Variants in NKAIN2 observed in about 807,000 individuals in gnomAD.
NKAIN2 encodes sodium/potassium transporting ATPase interacting 2, also known as sodium/potassium-transporting ATPase subunit beta-1-interacting protein 2.
NKAIN2 carries 14 observed loss-of-function variants against 32.6 expected under a neutral mutation model. That is an observed-to-expected ratio of 0.43 (90% confidence interval 0.28 to 0.67). NKAIN2 has a LOEUF of 0.67. NKAIN2 is among the 30% of genes least tolerant of loss of function. The pLI is 0.17. For synonymous variants in NKAIN2, 80 were observed against 87.2 expected (o/e 0.92, Z 0.46); for missense variants, 198 against 258.3 (o/e 0.77, Z 1.60).
intron 2 of NKAIN2, among the ~76,000 whole-genome samples, chr6:124,306,283 A>G (rs1796502046): frequency 6.6e-6 from 1 of 152,152 alleles, no homozygotes; most frequent in Non-Finnish European, 1.5e-5. Flanking sequence ...AGGTCCAAGA[A>G]ATACCAGGGA....
intron 1 of NKAIN2, among the ~76,000 whole-genome samples, chr6:123,979,851 G>T (rs969525189): frequency 6.6e-6 from 1 of 151,892 alleles, no homozygotes. Context: ...TCTGAGTAGA[G>T]TCTCTAGCTC....
chr6:124,177,236 A>T (rs1789202396), intron 1 of NKAIN2, among the ~76,000 whole-genome samples: 1 of 152,246 alleles, frequency 6.6e-6, no homozygotes. Flanking sequence ...ACAAAAAAGC[A>T]TTCGATACAA....
chr6:124,567,965 C>T, intron 3 of NKAIN2, among the ~76,000 whole-genome samples: 1 of 152,094 alleles, frequency 6.6e-6, no homozygotes, highest in South Asian at 2.1e-4. Flanking sequence ...TCGAGCTTGA[C>T]TGTTAGATGC....
At chr6:124,344,144 A>T (rs1174497902) in intron 2 of NKAIN2, among the ~76,000 whole-genome samples, 2 of 151,946 alleles carry the variant, frequency 1.3e-5, no homozygotes, top group African/African-American at 4.8e-5. Flanking sequence ...ATAGTTGTAG[A>T]TATGCAGCAT....
intron 1 of NKAIN2, among the ~76,000 whole-genome samples, chr6:124,037,859 C>T (rs1042495692): frequency 6.6e-6 from 1 of 151,932 alleles, no homozygotes; most frequent in African/African-American, 2.4e-5. Flanking sequence ...GGGTTGAAAG[C>T]GGAAAGGTAG....
chr6:123,935,714 G>T (rs1776471153), intron 1 of NKAIN2, among the ~76,000 whole-genome samples: 1 of 151,846 alleles, frequency 6.6e-6, no homozygotes, highest in African/African-American at 2.4e-5. Flanking sequence ...TAGATAAAAG[G>T]TCTTTAAGTT....
chr6:124,485,645 A>G (rs558254413), intron 3 of NKAIN2, among the ~76,000 whole-genome samples: 37 of 152,268 alleles, frequency 2.4e-4, no homozygotes, highest in African/African-American at 8.4e-4. Flanking sequence ...AGCTGATTAT[A>G]ATTTCATGGG....
intron 1 of NKAIN2, among the ~76,000 whole-genome samples, chr6:124,178,495 C>T (rs1384963726): frequency 6.6e-6 from 1 of 151,994 alleles, no homozygotes; most frequent in Non-Finnish European, 1.5e-5. Context: ...GATGGGGTTT[C>T]ACCGTGTTAG....
intron 1 of NKAIN2, among the ~76,000 whole-genome samples, chr6:123,959,005 A>G (rs1777722834): frequency 6.6e-6 from 1 of 152,210 alleles, no homozygotes; most frequent in East Asian, 1.9e-4. Context: ...GGAAGCTTTC[A>G]TCCCTAAGTG....
At chr6:124,103,438 AG>A (rs1347780563) in intron 1 of NKAIN2, among the ~76,000 whole-genome samples, 5 of 152,192 alleles carry the variant, frequency 3.3e-5, no homozygotes, top group African/African-American at 1.2e-4. Context: ...CATCTTCTAG[AG>A]TCTGTTACTA....
intron 1 of NKAIN2, among the ~76,000 whole-genome samples, chr6:123,990,411 G>T (rs988480607): frequency 1.3e-5 from 2 of 152,066 alleles, no homozygotes; most frequent in Non-Finnish European, 2.9e-5. Flanking sequence ...ACACTTACCA[G>T]GAAAATAAAT....
At chr6:124,800,426 C>G (rs1267757555) in intron 5 of NKAIN2, among the ~76,000 whole-genome samples, 2 of 152,172 alleles carry the variant, frequency 1.3e-5, no homozygotes, top group African/African-American at 4.8e-5. Context: ...TTAAATGAGG[C>G]TGCTCTGGCA....
intron 2 of NKAIN2, among the ~76,000 whole-genome samples, chr6:124,283,908 A>G (rs1024753642): frequency 2.2e-4 from 33 of 152,342 alleles, no homozygotes; most frequent in African/African-American, 7.9e-4. Flanking sequence ...GCAGGTTTGT[A>G]GTAAAAGCAT....
intron 1 of NKAIN2, among the ~76,000 whole-genome samples, chr6:124,190,099 A>G (rs975737289): frequency 5.3e-5 from 8 of 152,222 alleles, no homozygotes; most frequent in African/African-American, 1.9e-4. Flanking sequence ...GCCATAGTAA[A>G]CAATTCAGAC....
intron 1 of NKAIN2, among the ~76,000 whole-genome samples, chr6:124,265,957 TG>T (rs1244329989): frequency 6.6e-6 from 1 of 152,012 alleles, no homozygotes; most frequent in African/African-American, 2.4e-5. Flanking sequence ...CAAGAAGAAC[TG>T]AAAAATAAAC....
chr6:123,813,009 A>G (rs1460211767), intron 1 of NKAIN2, among the ~76,000 whole-genome samples: 1 of 152,266 alleles, frequency 6.6e-6, no homozygotes, highest in Non-Finnish European at 1.5e-5. Flanking sequence ...TCTATGTTAC[A>G]TGTGAACTGT....
At chr6:124,001,092 G>C (rs1178892054) in intron 1 of NKAIN2, among the ~76,000 whole-genome samples, 1 of 152,048 alleles carries the variant, frequency 6.6e-6, no homozygotes, top group Non-Finnish European at 1.5e-5. Context: ...CATCTTTTCA[G>C]AAAGTTGTAG....
intron 1 of NKAIN2, among the ~76,000 whole-genome samples, chr6:124,091,661 AT>A (rs138522988): frequency 0.016 from 2,343 of 149,688 alleles, 55 homozygotes; most frequent in African/African-American, 0.051. Context: ...TCAAAGCATT[AT>A]TTTTTTTTTC....
intron 3 of NKAIN2, among the ~76,000 whole-genome samples, chr6:124,502,101 C>A (rs1778315784): frequency 6.6e-6 from 1 of 151,748 alleles, no homozygotes; most frequent in African/African-American, 2.4e-5. Context: ...AAGACTGTCT[C>A]AAATAAATAA....
Sources: gnomAD v4.1 joint callset for allele counts (sites outside exome capture counted in the v4.1 genomes callset) on GRCh38, gnomAD v4.1.1 for gene constraint, MANE v1.5 for transcripts, NCBI Gene and HGNC (gene_info 2026-07-23, HGNC 2026-07-21) for gene names.